CAST: variants seen among roughly 807,000 people sequenced by gnomAD.
CAST encodes the protein MIR583 host.
Under a neutral mutation model 119.6 loss-of-function variants are expected in CAST, and 76 were observed. That is an observed-to-expected ratio of 0.64 (90% CI 0.53 to 0.77). The LOEUF is 0.77. Ranked by LOEUF, CAST falls within the 30% of genes least tolerant of loss-of-function variation. The probability of loss-of-function intolerance (pLI) is 0.00; values close to 1 mark genes in which losing one functional copy is unlikely to be tolerated. For missense variants in CAST, 953 were observed against 946.5 expected, an observed-to-expected ratio of 1.01 and a Z score of -0.09; for synonymous variants, 319 against 331.6, an observed-to-expected ratio of 0.96 and a Z score of 0.41.
the CAST span, among the ~76,000 whole-genome samples, chr5:96,507,910 A>T: frequency 1.3e-5 from 2 of 152,206 alleles, no homozygotes; most frequent in Non-Finnish European, 2.9e-5. Context: ...CCTAACACAC[A>T]TCTAAATTCT....
the CAST span, among the ~76,000 whole-genome samples, chr5:96,315,758 A>G: frequency 6.6e-6 from 1 of 152,166 alleles, no homozygotes; most frequent in Non-Finnish European, 1.5e-5. Context: ...CCCAGGCCCT[A>G]AATATCTGTA....
At chr5:96,397,824 TAATG>T in the CAST span, among the ~76,000 whole-genome samples, 49 of 152,248 alleles carry the variant, frequency 3.2e-4, no homozygotes, top group African/African-American at 1.2e-3. Context: ...AAAAATATTT[TAATG>T]AAACTATCAT....
intron 2 of CAST, among the ~76,000 whole-genome samples, chr5:96,687,835 T>C (rs1255166239): frequency 6.6e-6 from 1 of 152,236 alleles, no homozygotes; most frequent in Non-Finnish European, 1.5e-5. Context: ...TATAATTTTG[T>C]CACTTTTTTT....
At chr5:96,265,319 T>C in the CAST span, among the ~76,000 whole-genome samples, 2 of 151,942 alleles carry the variant, frequency 1.3e-5, no homozygotes, top group East Asian at 3.8e-4. Flanking sequence ...AATTTACATA[T>C]ATAAAATTTA....
At chr5:96,532,232 G>C (rs1272900538) in intron 1 of CAST, among the ~76,000 whole-genome samples, 7 of 152,142 alleles carry the variant, frequency 4.6e-5, no homozygotes, top group African/African-American at 1.7e-4. Flanking sequence ...CAAACAACTG[G>C]GAGGCCTGAC....
chr5:96,685,436 A>G (rs1335452898), intron 2 of CAST, among the ~76,000 whole-genome samples: 1 of 152,252 alleles, frequency 6.6e-6, no homozygotes, highest in Non-Finnish European at 1.5e-5. Flanking sequence ...TATCTGTCTT[A>G]TCTAAGGACT....
At chr5:96,141,861 G>A in the CAST span, among the ~76,000 whole-genome samples, 5 of 152,190 alleles carry the variant, frequency 3.3e-5, no homozygotes, top group South Asian at 2.1e-4. Flanking sequence ...GGCGGCATGC[G>A]CTAATGTTAG....
At chr5:95,961,512 CGGCCAGGCCGTGA>C in the CAST span, 1 of 1,392,190 alleles carries the variant, frequency 7.2e-7, no homozygotes, top group Non-Finnish European at 9.4e-7. Context: ...CACCCGGGCG[CGGCCAGGCCGTGA>C]GGGGTGCGCT....
At chr5:96,312,009 G>A in the CAST span, among the ~76,000 whole-genome samples, 1 of 151,818 alleles carries the variant, frequency 6.6e-6, no homozygotes, top group South Asian at 2.1e-4. Flanking sequence ...CTCTCTTGCT[G>A]TCTTTCTTTG....
At chr5:96,478,384 T>C in the CAST span, among the ~76,000 whole-genome samples, 63 of 152,380 alleles carry the variant, frequency 4.1e-4, no homozygotes, top group African/African-American at 1.4e-3. Context: ...TGATGCACAT[T>C]TGATGCAGAA....
intron 3 of CAST, among the ~76,000 whole-genome samples, chr5:96,699,242 A>G (rs539433588): frequency 3.9e-5 from 6 of 152,324 alleles, no homozygotes; most frequent in African/African-American, 1.2e-4. Flanking sequence ...GACAACTTCT[A>G]TTTCACCAAC....
the CAST span, among the ~76,000 whole-genome samples, chr5:96,453,397 A>G: frequency 6.6e-6 from 1 of 152,234 alleles, no homozygotes; most frequent in African/African-American, 2.4e-5. Context: ...GTGTAGTGAA[A>G]TGTAATATAA....
the CAST span, among the ~76,000 whole-genome samples, chr5:96,363,011 A>G: frequency 1.3e-5 from 2 of 151,168 alleles, no homozygotes; most frequent in South Asian, 2.1e-4. Context: ...TAATTTTTGT[A>G]TAAGGTGTAA....
chr5:95,965,307 G>C, the CAST span: 7 of 152,232 alleles, frequency 4.6e-5, no homozygotes, highest in Non-Finnish European at 1.0e-4. Flanking sequence ...TAACACTTAA[G>C]TTAAAAATTT....
the CAST span, among the ~76,000 whole-genome samples, chr5:96,003,952 T>A: frequency 1.3e-5 from 2 of 152,312 alleles, no homozygotes. Context: ...TCATCTTTTT[T>A]TCATACTCAT....
intron 24 of CAST, among the ~76,000 whole-genome samples, chr5:96,759,582 A>C (rs907372803): frequency 1.3e-5 from 2 of 152,082 alleles, no homozygotes; most frequent in Admixed American, 1.3e-4. Context: ...GCCACCAAAA[A>C]CAAAGTAGCA....
chr5:96,209,641 C>T, the CAST span, among the ~76,000 whole-genome samples: 7 of 149,228 alleles, frequency 4.7e-5, no homozygotes, highest in East Asian at 2.0e-4. Flanking sequence ...TGAATATAAC[C>T]GCACCCCCCG....
chr5:96,695,896 T>A lies in CAST; in HGVS notation c.199T>A (p.Ser67Thr). 11 of 1,612,378 alleles carry A rather than the reference T, an allele frequency of 6.8e-6. No individual in the cohort carries two copies. The highest frequency in any genetic ancestry group is 9.3e-6 in the Non-Finnish European group (11 of 1,178,800). The change falls in exon 3 of 32, where the codon TCG becomes ACG. Residue 67 changes from serine (S) to threonine (T), a missense_variant. Coordinates refer to ENST00000675179, the MANE Select transcript of CAST (RefSeq NM_001750.7). ...CAGAACCTATGCTGGTGGAACAGCC[T>A]CGGCCACCAAGGTCAGTGATTTCCT... ...SSRTYAGGTASATKVSASSGA... is the reference protein window; with the variant it reads ...SSRTYAGGTATATKVSASSGA...
chr5:96,018,000 A>G, the CAST span, among the ~76,000 whole-genome samples: 5 of 152,184 alleles, frequency 3.3e-5, no homozygotes. Context: ...AGTTTATTCC[A>G]GGTAATTTAA....
Sources: gnomAD v4.1 joint callset for allele counts (sites outside exome capture counted in the v4.1 genomes callset) on GRCh38, gnomAD v4.1.1 for gene constraint, MANE v1.5 for transcripts, NCBI Gene and HGNC (gene_info 2026-07-23, HGNC 2026-07-21) for gene names.